SLC11A1: variants seen among roughly 807,000 people sequenced by gnomAD.
SLC11A1 encodes the protein natural resistance-associated macrophage protein 1.
SLC11A1 carries 59 observed loss-of-function variants against 63.2 expected under a neutral mutation model. That is an observed-to-expected ratio of 0.93 (90% confidence interval 0.76 to 1.16). The LOEUF is 1.16. Ranked by LOEUF, SLC11A1 falls within the 50% of genes most tolerant of loss-of-function variation. The pLI, the probability that SLC11A1 is intolerant of heterozygous loss-of-function variation, is 0.00. For missense variants in SLC11A1, 688 were observed against 730.7 expected, an observed-to-expected ratio of 0.94 and a Z score of 0.67; for synonymous variants, 305 against 307.8, an observed-to-expected ratio of 0.99 and a Z score of 0.09.
rs1371485703 is a variant in SLC11A1 at position 218,386,972 on chromosome 2, G to A, written c.501-188G>A. 4 of 654,808 alleles carry A rather than the reference G, an allele frequency of 6.1e-6. No individual in the cohort carries two copies. In the African/African-American group the frequency reaches 7.3e-5, roughly 12 times the overall value. 40.6% of individuals were successfully genotyped at this position (654,808 alleles called of 1,614,324 possible). A position where few individuals can be genotyped will look rare whatever the true frequency, so the allele number is the denominator to read the frequency against. Reference sequence around the variant, plus strand: ...AACTCCCTGCTGCGCCGGGTGCCAGGTCTCTCCTCTAGCTCTGCCCTGCCT... The same window carrying A: ...AACTCCCTGCTGCGCCGGGTGCCAGATCTCTCCTCTAGCTCTGCCCTGCCT... On this transcript the variant is annotated intron_variant, in intron 5 of 14. Coordinates refer to ENST00000233202, the MANE Select transcript of SLC11A1 (RefSeq NM_000578.4).
chr2:218,391,244 T>G lies in SLC11A1; in HGVS notation c.1001T>G (p.Phe334Cys), dbSNP rs1574774614. ...AGCCTCCACGACTACGCCAAGATCT[T>G]CCCCATGAACAACGCCACCGTGGCC... ...NSSLHDYAKI[F>C]PMNNATVAVD... Residue 334 changes from phenylalanine to cysteine, a missense_variant, in exon 10 of 15, where the codon TTC (phenylalanine) becomes TGC (cysteine). By Grantham distance (205) the Phe-to-Cys change is radical. Transcript: ENST00000233202. The G allele has an allele frequency of 1.5e-6, 2 of 1,363,386 alleles. No individual in the cohort carries two copies. Among genetic ancestry groups the G allele is most frequent in the East Asian group, 8.8e-5 (2 of 22,716 alleles). 84.5% of individuals were successfully genotyped at this position (1,363,386 alleles called of 1,614,324 possible). A position where few individuals can be genotyped will look rare whatever the true frequency, so the allele number is the denominator to read the frequency against.
rs765475031 is a variant in SLC11A1, at chr2:218,387,561, G to A, written c.572-4G>A. ...TTGTTTAGTTTGTTTGTTCTGCTCC[G>A]TAGGGCTGCGGAAGCTGGAAGCTTT... On this transcript the variant is annotated splice_region_variant and splice_polypyrimidine_tract_variant and intron_variant, in intron 6 of 14. Transcript: ENST00000233202. The A allele has an allele frequency of 2.5e-5, 40 of 1,614,020 alleles. No homozygotes were observed. Among genetic ancestry groups the A allele is most frequent in the Middle Eastern group, 1.6e-4 (1 of 6,084 alleles).
At position 218,395,840 on chromosome 2, in the gene SLC11A1, C is replaced by T. The variant is rs940177965; in HGVS notation, c.*805C>T. On this transcript the variant is annotated 3_prime_UTR_variant, in exon 15 of 15. Coordinates refer to ENST00000233202, the MANE Select transcript of SLC11A1 (RefSeq NM_000578.4). Reference sequence around the variant, plus strand: ...GGAAGGCACGAAGTCTCTAAAGCATCCAGAAGACCCCTACACCAGGGTCTG... The same window carrying T: ...GGAAGGCACGAAGTCTCTAAAGCATTCAGAAGACCCCTACACCAGGGTCTG... 6.6e-6 allele frequency: 1 copy of T among 152,404 alleles called. No homozygotes were observed. Among genetic ancestry groups the T allele is most frequent in the African/African-American group, 2.4e-5 (1 of 41,452 alleles). The allele number at this position is 152,404 out of a possible 1,614,324, so 9.4% of individuals were successfully genotyped here.
intron 13 of SLC11A1, 117 bp from the exon 14 acceptor site, chr2:218,394,515 A>T (rs1378113006): frequency 7.6e-5 from 88 of 1,164,638 alleles, no homozygotes; most frequent in Non-Finnish European, 9.9e-5. Flanking sequence ...CCCACAGACC[A>T]GAGAAGCGGC....
rs972866171 is a variant in SLC11A1, at chr2:218,387,869, G to A, written c.709G>A (p.Gly237Ser). Residue 237 changes from glycine to serine, a missense_variant, in exon 8 of 15, where the codon GGC (glycine) becomes AGC (serine). By Grantham distance (56) the Gly-to-Ser change is moderately conservative (BLOSUM62 0). Coordinates refer to ENST00000233202, the MANE Select transcript of SLC11A1 (RefSeq NM_000578.4). Reference sequence around the variant, plus strand: ...GTTCCTGCCCTCGTGCCCGGGCTGCGGCCACCCCGAGCTGCTGCAGGCGGT... The same window carrying A: ...GTTCCTGCCCTCGTGCCCGGGCTGCAGCCACCCCGAGCTGCTGCAGGCGGT... The part of the protein sequence containing the change: ...GLFLPSCPGC[G>S]HPELLQAVGI... The A allele has an allele frequency of 5.0e-5, 80 of 1,602,228 alleles. No homozygotes were observed. The highest frequency in any genetic ancestry group is 6.6e-5 in the Non-Finnish European group (78 of 1,174,822).
intron 8 of SLC11A1, 127 bp downstream of exon 8, chr2:218,388,082 G>A (rs561766161): frequency 1.4e-5 from 16 of 1,176,742 alleles, no homozygotes; most frequent in Admixed American, 2.9e-5. Context: ...TAATAATTGA[G>A]GGACAGGCGG....
At chr2:218,394,897 C>T in intron 14 of SLC11A1, 28 bp from the exon 15 acceptor site, 6 of 1,608,002 alleles carry the variant, frequency 3.7e-6, no homozygotes, top group South Asian at 1.1e-5. Context: ...CTTGGCATCT[C>T]CCCAATTCAT....
intron 6 of SLC11A1, 89 bp downstream of exon 6, chr2:218,387,319 G>T: frequency 8.0e-7 from 1 of 1,253,914 alleles, no homozygotes; most frequent in Non-Finnish European, 1.1e-6. Flanking sequence ...GCCTGGGAGC[G>T]CACCTGAGCT....
chr2:218,391,325 G>A lies in SLC11A1; in HGVS notation c.1044+38G>A. 6 of 1,613,974 alleles carry A rather than the reference G, an allele frequency of 3.7e-6. No homozygotes were observed. The South Asian group carries it at 6.6e-5, about 18-fold the overall frequency. On this transcript the variant is annotated intron_variant, in intron 10 of 14. Coordinates refer to ENST00000233202, the MANE Select transcript of SLC11A1 (RefSeq NM_000578.4). ...GGGTGGGGAGGGCGTGACCCAGAGA[G>A]GCTCCCCGCCTCGGGCAGGGCCACC... is the stretch of plus-strand genomic sequence containing the variant.
intron 14 of SLC11A1, 43 bp downstream of exon 14, chr2:218,394,828 G>C (rs771925358): frequency 6.2e-7 from 1 of 1,609,034 alleles, no homozygotes; most frequent in Admixed American, 1.7e-5. Flanking sequence ...GATGAGGGAA[G>C]GACAAGAGGC....
chr2:218,385,121 G>A (rs751055680), intron 3 of SLC11A1, 26 bp from the exon 4 acceptor site: 1 of 1,612,446 alleles, frequency 6.2e-7, no homozygotes, highest in Non-Finnish European at 8.5e-7. Context: ...CTCTCTGGCT[G>A]AAGGCCTCTC....
At chr2:218,386,583 G>A (rs189340934) in intron 4 of SLC11A1, 52 bp from the exon 5 acceptor site, 1 of 1,298,446 alleles carries the variant, frequency 7.7e-7, no homozygotes, top group East Asian at 2.4e-5. Context: ...AGTCTGAGAC[G>A]ACAGGCAAAT....
In SLC11A1 at chr2:218,393,997, G is replaced by C. The variant is rs180702799; in HGVS notation, c.1315-123G>C. 532 of 845,982 alleles carry C rather than the reference G, an allele frequency of 6.3e-4. 8 individuals carry two copies. The East Asian group carries it at 0.012, about 19-fold the overall frequency. 52.4% of individuals were successfully genotyped at this position (845,982 alleles called of 1,614,324 possible). A position where few individuals can be genotyped will look rare whatever the true frequency, so the allele number is the denominator to read the frequency against. On this transcript the variant is annotated intron_variant, in intron 12 of 14. Transcript: ENST00000233202. ...GGCAGGAGACGGGGAAGTAGGCTCA[G>C]TGTGGTTAGGGCAGTTGAGCTCACA...
In SLC11A1 at chr2:218,388,129, G is replaced by A. The variant is rs2106332968; in HGVS notation, c.795+174G>A. 5.5e-6 allele frequency: 4 copies of A among 732,846 alleles called. No individual in the cohort carries two copies. In the East Asian group the frequency reaches 8.6e-5, roughly 16 times the overall value. The allele number at this position is 732,846 out of a possible 1,614,324, so 45.4% of individuals were successfully genotyped here. A position where few individuals can be genotyped will look rare whatever the true frequency, so the allele number is the denominator to read the frequency against. ...TCACGCCTGTAATCCCAGCACTTTGGGAGGCGGAGGCGGGCGGATCACGAG... is the reference window on the plus strand; with the variant it reads ...TCACGCCTGTAATCCCAGCACTTTGAGAGGCGGAGGCGGGCGGATCACGAG... On this transcript the variant is annotated intron_variant, in intron 8 of 14. Transcript: ENST00000233202.
chr2:218,387,650 C>G lies in SLC11A1; in HGVS notation c.639+18C>G. 6.2e-7 allele frequency: 1 copy of G among 1,613,822 alleles called. No individual in the cohort carries two copies. Among genetic ancestry groups the G allele is most frequent in the Non-Finnish European group, 8.5e-7 (1 of 1,179,768 alleles). ...GCTATGAGGTAGGAAGCCAGTGCTG[C>G]AACCCCACTGTGGACCTCCCAAGAT... is the stretch of plus-strand genomic sequence containing the variant. On this transcript the variant is annotated intron_variant, in intron 7 of 14. Transcript: ENST00000233202.
chr2:218,385,761 G>A (rs1254654577), intron 4 of SLC11A1, among the ~76,000 whole-genome samples: 1 of 152,180 alleles, frequency 6.6e-6, no homozygotes, highest in Non-Finnish European at 1.5e-5. Context: ...GACATGAGAG[G>A]CATGTCATTT....
In SLC11A1 at chr2:218,386,622, C is replaced by T; in HGVS notation, c.394-13C>T. The T allele has an allele frequency of 6.3e-7, 1 of 1,596,380 alleles. No individual in the cohort carries two copies. Among genetic ancestry groups the T allele is most frequent in the Non-Finnish European group, 8.6e-7 (1 of 1,165,828 alleles). ...CGGCCCACCCTTAATGAAGGATCATCTCCTCCCCATAGGTGCCCCGCACCG... is the reference window on the plus strand; with the variant it reads ...CGGCCCACCCTTAATGAAGGATCATTTCCTCCCCATAGGTGCCCCGCACCG... On this transcript the variant is annotated splice_polypyrimidine_tract_variant and intron_variant, in intron 4 of 14. Coordinates refer to ENST00000233202, the MANE Select transcript of SLC11A1 (RefSeq NM_000578.4).
At chr2:218,386,814 T>C in intron 5 of SLC11A1, 73 bp downstream of exon 5, 1 of 1,099,446 alleles carries the variant, frequency 9.1e-7, no homozygotes, top group South Asian at 1.3e-5. Flanking sequence ...CCCTAACCAG[T>C]CCCTCCCAGA....
In SLC11A1 at chr2:218,387,225, A is replaced by G; in HGVS notation, c.566A>G (p.Asn189Ser). The G allele has an allele frequency of 1.2e-6, 2 of 1,613,230 alleles. No homozygotes were observed. Among genetic ancestry groups the G allele is most frequent in the Non-Finnish European group, 1.7e-6 (2 of 1,179,456 alleles). The change falls in exon 6 of 15, where the codon AAC becomes AGC. Residue 189 changes from asparagine (N) to serine (S), a missense_variant. By Grantham distance (46) the Asn-to-Ser change is conservative (BLOSUM62 1). Transcript: ENST00000233202. ...ACCTTCTTCTTCCTCTTCCTCGATA[A>G]CTACGGTGGGTGCACACCCCACCTC... is the stretch of plus-strand genomic sequence containing the variant. The part of the protein sequence containing the change: ...VDTFFFLFLD[N>S]YGLRKLEAFF...
Sources: allele counts gnomAD v4.1 joint callset (sites outside exome capture counted in the v4.1 genomes callset), GRCh38; gene constraint gnomAD v4.1.1; transcripts MANE v1.5; gene names NCBI Gene and HGNC (gene_info 2026-07-23, HGNC 2026-07-21).